COL23A1: variants seen among roughly 807,000 people sequenced by gnomAD.
COL23A1 encodes the protein collagen alpha-1(XXIII) chain.
Under a neutral mutation model 99.3 loss-of-function variants are expected in COL23A1, and 97 were observed. The ratio of observed to expected loss-of-function variants is 0.98; its 90% CI spans 0.83 to 1.16. The LOEUF (loss-of-function observed/expected upper bound fraction) is 1.16, where lower values mean the gene tolerates loss of function less well. COL23A1 is among the 50% of genes most tolerant of loss of function. The pLI, the probability that COL23A1 is intolerant of heterozygous loss-of-function variation, is 0.00. For synonymous variants in COL23A1, 320 were observed against 308.2 expected, an observed-to-expected ratio of 1.04 and a Z score of -0.40; for missense variants, 762 against 757.4, an observed-to-expected ratio of 1.01 and a Z score of -0.07.
intron 2 of COL23A1, among the ~76,000 whole-genome samples, chr5:178,385,080 G>A (rs1763598818): frequency 6.6e-6 from 1 of 152,160 alleles, no homozygotes; most frequent in South Asian, 2.1e-4. Flanking sequence ...GACTCATGTT[G>A]TCACAGCTGG....
At chr5:178,473,983 T>C (rs2672821) in intron 2 of COL23A1, among the ~76,000 whole-genome samples, 6,860 of 152,282 alleles carry the variant, frequency 0.045, 490 homozygotes, top group African/African-American at 0.15. Flanking sequence ...TGCTGAGCTT[T>C]AATGTAGACA....
chr5:178,576,752 CG>C (rs1763383161), intron 1 of COL23A1, among the ~76,000 whole-genome samples: 1 of 151,934 alleles, frequency 6.6e-6, no homozygotes, highest in Non-Finnish European at 1.5e-5. Flanking sequence ...AAAGCCCCAA[CG>C]GGTCCCCCGG....
chr5:178,563,104 G>A (rs1015972855), intron 1 of COL23A1, among the ~76,000 whole-genome samples: 2 of 152,254 alleles, frequency 1.3e-5, no homozygotes, highest in African/African-American at 4.8e-5. Flanking sequence ...GCCTTTAGGC[G>A]CACTCACTCC....
intron 24 of COL23A1, 33 bp from the exon 25 acceptor site, chr5:178,246,001 T>C: frequency 6.2e-7 from 1 of 1,613,118 alleles, no homozygotes; most frequent in Non-Finnish European, 8.5e-7. Flanking sequence ...TGAGAGGGGT[T>C]GGGGAGGGGT....
chr5:178,273,078 G>A (rs1756383970), intron 5 of COL23A1, among the ~76,000 whole-genome samples: 1 of 152,114 alleles, frequency 6.6e-6, no homozygotes, highest in African/African-American at 2.4e-5. Flanking sequence ...CTGGCCTCCC[G>A]GCCGCTCTCT....
intron 2 of COL23A1, among the ~76,000 whole-genome samples, chr5:178,314,242 A>C (rs1197886179): frequency 3.3e-5 from 5 of 152,004 alleles, no homozygotes; most frequent in Non-Finnish European, 5.9e-5. Flanking sequence ...CCCCAGAGTC[A>C]TCTTCCACCA....
intron 2 of COL23A1, among the ~76,000 whole-genome samples, chr5:178,465,653 G>T (rs1681047068): frequency 6.6e-6 from 1 of 152,212 alleles, no homozygotes; most frequent in African/African-American, 2.4e-5. Context: ...GAATATTCTA[G>T]CAGGCTCTGA....
At chr5:178,458,994 G>C (rs1271549852) in intron 2 of COL23A1, among the ~76,000 whole-genome samples, 1 of 152,096 alleles carries the variant, frequency 6.6e-6, no homozygotes. Flanking sequence ...CCAGGACAAG[G>C]GACTGAGTTT....
chr5:178,584,307 G>GA (rs1763809040), intron 1 of COL23A1, among the ~76,000 whole-genome samples: 3 of 88,754 alleles, frequency 3.4e-5, no homozygotes, highest in Non-Finnish European at 6.8e-5. Context: ...ACTGCACCTG[G>GA]CCACACACAC....
chr5:178,523,201 T>TATATATATATATATATAGAGAGAGAG (rs1223542330), intron 2 of COL23A1, among the ~76,000 whole-genome samples: 1 of 77,632 alleles, frequency 1.3e-5, no homozygotes, highest in Non-Finnish European at 2.5e-5. Context: ...TATATATATA[T>TATATATATATATATATAGAGAGAGAG]AGAGAGAGAG....
rs1054225067 is a variant in COL23A1, at chr5:178,434,362, A to G, written c.361+126320T>C. Among the ~76,000 whole-genome samples the G allele has an allele frequency of 6.6e-6, 1 of 152,188 alleles. No homozygotes were observed. Among genetic ancestry groups the G allele is most frequent in the African/African-American group, 2.4e-5 (1 of 41,456 alleles). ...TCCAGGACAGATGCAGCAACCACAC[A>G]TGGTCCCACCAGGACAGCGCCCCTG... On this transcript the variant is annotated intron_variant, in intron 2 of 28. Coordinates refer to ENST00000390654, the MANE Select transcript of COL23A1 (RefSeq NM_173465.4). This position sits in a 1 kb window ranked among gnomAD's most constrained non-coding sequence, Gnocchi z 4.3.
intron 2 of COL23A1, among the ~76,000 whole-genome samples, chr5:178,520,640 A>AG (rs1759889493): frequency 6.6e-6 from 1 of 152,318 alleles, no homozygotes; most frequent in Admixed American, 6.5e-5. Context: ...ATTTCAGCCC[A>AG]GCCACATATT....
At chr5:178,566,546 T>G (rs1033955205) in intron 1 of COL23A1, among the ~76,000 whole-genome samples, 19 of 152,270 alleles carry the variant, frequency 1.2e-4, no homozygotes, top group Admixed American at 4.6e-4. Context: ...CCAGGTGTGG[T>G]GGCTCGCGCC....
intron 1 of COL23A1, among the ~76,000 whole-genome samples, chr5:178,585,903 G>A (rs184424356): frequency 2.0e-3 from 303 of 152,318 alleles, no homozygotes; most frequent in African/African-American, 6.8e-3. Flanking sequence ...AGGGGATGGC[G>A]ACCCTGTGAC....
At chr5:178,341,276 C>T (rs1760645274) in intron 2 of COL23A1, among the ~76,000 whole-genome samples, 1 of 152,226 alleles carries the variant, frequency 6.6e-6, no homozygotes, top group South Asian at 2.1e-4. Context: ...AGGTGCGTGC[C>T]ACCATGCCTG....
chr5:178,299,496 C>T (rs2127595442), intron 3 of COL23A1, among the ~76,000 whole-genome samples: 1 of 152,114 alleles, frequency 6.6e-6, no homozygotes, highest in East Asian at 1.9e-4. Flanking sequence ...AGTGATGTAC[C>T]TTCCTTTCAG....
rs1177275998 is a variant in COL23A1, at chr5:178,386,188, T to C, written c.362-79269A>G. 4.6e-5 allele frequency among the ~76,000 whole-genome samples: 7 copies of C among 152,204 alleles called. 1 individual carries two copies. Among genetic ancestry groups the C allele is most frequent in the Admixed American group, 3.3e-4 (5 of 15,278 alleles). The stretch of plus-strand genomic sequence containing the variant: ...GCGCCGTGGCTCACACCTGTAATCC[T>C]AGCATTTTGGGAGGCTAAGGCGGGT... On this transcript the variant is annotated intron_variant, in intron 2 of 28. Transcript: ENST00000390654.
At position 178,480,145 on chromosome 5, in the gene COL23A1, GA is replaced by G. The variant is rs879262058; in HGVS notation, c.361+80536del. ...CTCTGTGGTGCATGATTGTACTCCA[GA>G]AAAAAAAAAAAAAGAAAATTTTTTA... On this transcript the variant is annotated intron_variant, in intron 2 of 28. Coordinates refer to ENST00000390654, the MANE Select transcript of COL23A1 (RefSeq NM_173465.4). Among the ~76,000 whole-genome samples, 128 of 112,006 alleles carry G rather than the reference GA, an allele frequency of 1.1e-3. 1 individual carries two copies. The highest frequency in any genetic ancestry group is 2.8e-3 in the African/African-American group (84 of 30,124). 73.5% of individuals were successfully genotyped at this position (112,006 alleles called of 152,430 possible).
At chr5:178,248,885 T>A (rs1055301163) in intron 19 of COL23A1, among the ~76,000 whole-genome samples, 2 of 152,110 alleles carry the variant, frequency 1.3e-5, no homozygotes, top group Non-Finnish European at 2.9e-5. Flanking sequence ...CAGCTCCTGA[T>A]TTTAGCTGCC....
Sources: gnomAD v4.1 joint callset for allele counts (sites outside exome capture counted in the v4.1 genomes callset) on GRCh38, gnomAD v4.1.1 for gene constraint, Gnocchi (gnomAD v3.1) non-coding constraint, MANE v1.5 for transcripts, NCBI Gene and HGNC (gene_info 2026-07-23, HGNC 2026-07-21) for gene names.